Variants in CDKL5 observed in about 807,000 individuals in gnomAD.
CDKL5 encodes the protein cyclin dependent kinase like 5.
A neutral mutation model predicts 61.7 loss-of-function variants in CDKL5; 8 were observed. The observed-to-expected ratio is 0.13, with a 90% CI of 0.08 to 0.23. The LOEUF (loss-of-function observed/expected upper bound fraction) is 0.23, where lower values mean the gene tolerates loss of function less well. CDKL5 is among the 10% of genes least tolerant of loss of function. The pLI, the probability that CDKL5 is intolerant of heterozygous loss-of-function variation, is 1.00. For missense variants in CDKL5, 440 were observed against 734.5 expected (o/e 0.60, Z 4.63); for synonymous variants, 275 against 272.3 (o/e 1.01, Z -0.10).
chrX:18,499,065 C>T (rs1043450735), intron 1 of CDKL5, among the ~76,000 whole-genome samples: 7 of 112,065 alleles, frequency 6.2e-5, no homozygotes, highest in Non-Finnish European at 3.8e-5. Flanking sequence ...GCCACTGTGC[C>T]CGGCCCTTGT....
intron 1 of CDKL5, among the ~76,000 whole-genome samples, chrX:18,429,922 G>T (rs1931446603): frequency 8.9e-6 from 1 of 112,239 alleles, no homozygotes; most frequent in African/African-American, 3.2e-5. Context: ...ACAGGCATGA[G>T]CCACCGCCAG....
chrX:18,443,894 G>C (rs1399032746), intron 1 of CDKL5: 2 of 112,010 alleles, frequency 1.8e-5, no homozygotes, highest in African/African-American at 6.5e-5. Flanking sequence ...GTGAACCACT[G>C]CACCTGGCCT....
chrX:18,648,247 T>C (rs1927872188), intron 20 of CDKL5, among the ~76,000 whole-genome samples: 1 of 99,966 alleles, frequency 1.0e-5, no homozygotes, highest in African/African-American at 4.3e-5. Flanking sequence ...CTTCTTCTCC[T>C]TTTTTTTTTC....
chrX:18,484,475 G>A (rs757313502), intron 1 of CDKL5, among the ~76,000 whole-genome samples: 5 of 109,342 alleles, frequency 4.6e-5, no homozygotes, highest in Non-Finnish European at 9.5e-5. Context: ...GTACCACCAT[G>A]CCCAGCGAAT....
chrX:18,459,165 A>G (rs886554413), intron 1 of CDKL5, among the ~76,000 whole-genome samples: 1 of 112,515 alleles, frequency 8.9e-6, no homozygotes, highest in Non-Finnish European at 1.9e-5. Flanking sequence ...ATCCTGGTGT[A>G]CTTTTTTAAG....
intron 1 of CDKL5, among the ~76,000 whole-genome samples, chrX:18,501,266 C>T (rs1399908978): frequency 2.7e-5 from 3 of 111,596 alleles, no homozygotes; most frequent in Non-Finnish European, 5.6e-5. Context: ...TTCTGCCTCC[C>T]GGGTTCAAGT....
chrX:18,640,675 C>T (rs957283786), downstream of CDKL5: 21 of 112,347 alleles, frequency 1.9e-4, no homozygotes, highest in Non-Finnish European at 3.4e-4. Context: ...AGTCTAGTCA[C>T]TTGCCTTGGC....
chrX:18,429,714 C>T (rs1455403705), intron 1 of CDKL5, among the ~76,000 whole-genome samples: 1 of 112,097 alleles, frequency 8.9e-6, no homozygotes, highest in Admixed American at 9.5e-5. Context: ...CAGCTTGCTG[C>T]ACCCTTAACT....
chrX:18,431,062 C>T (rs1054868030), intron 1 of CDKL5, among the ~76,000 whole-genome samples: 1 of 109,210 alleles, frequency 9.2e-6, no homozygotes, highest in African/African-American at 3.3e-5. Context: ...CGGGGTTTCA[C>T]CATGTTGGCC....
At chrX:18,615,249 G>T (rs747434813) in intron 15 of CDKL5, among the ~76,000 whole-genome samples, 1 of 111,314 alleles carries the variant, frequency 9.0e-6, no homozygotes, top group Non-Finnish European at 1.9e-5. Flanking sequence ...TTCCTTCATC[G>T]CATCTCACTT....
At chrX:18,481,670 A>AT (rs1921585684) in intron 1 of CDKL5, among the ~76,000 whole-genome samples, 1 of 108,185 alleles carries the variant, frequency 9.2e-6, no homozygotes, top group Non-Finnish European at 1.9e-5. Flanking sequence ...CTCCTGGTTT[A>AT]TTTTTATCAC....
intron 1 of CDKL5, among the ~76,000 whole-genome samples, chrX:18,430,071 A>G (rs1931449975): frequency 8.9e-6 from 1 of 112,181 alleles, no homozygotes; most frequent in South Asian, 3.6e-4. Context: ...CTGAACTCAG[A>G]TCCATCAGGA....
At chrX:18,467,477 A>G (rs905261001) in intron 1 of CDKL5, among the ~76,000 whole-genome samples, 2 of 111,734 alleles carry the variant, frequency 1.8e-5, no homozygotes, top group Non-Finnish European at 3.8e-5. Flanking sequence ...CATCTTTTTC[A>G]CTAGCTCTGG....
chrX:18,647,348 GA>G (rs759171723), intron 20 of CDKL5: 1 of 1,206,297 alleles, frequency 8.3e-7, no homozygotes, highest in Non-Finnish European at 1.1e-6. Context: ...AAAGGAAAAA[GA>G]ATTCACATTC....
At chrX:18,505,912 T>A (rs1281182260) in intron 1 of CDKL5, among the ~76,000 whole-genome samples, 1 of 113,140 alleles carries the variant, frequency 8.8e-6, no homozygotes, top group Non-Finnish European at 1.9e-5. Context: ...TTGCTTGAAA[T>A]AATTATTACC....
chrX:18,642,156 C>T, downstream of CDKL5: 1 of 1,210,388 alleles, frequency 8.3e-7, no homozygotes, highest in Non-Finnish European at 1.1e-6. Flanking sequence ...CCATAGAAGA[C>T]CTAGAGAGAT....
intron 3 of CDKL5, among the ~76,000 whole-genome samples, chrX:18,557,685 A>G (rs1366822199): frequency 8.9e-6 from 1 of 112,491 alleles, no homozygotes; most frequent in East Asian, 2.8e-4. Flanking sequence ...TAAGTTATAT[A>G]ACTGCATTTT....
At chrX:18,648,954 AGGAG>A (rs1460211084) in intron 20 of CDKL5, among the ~76,000 whole-genome samples, 1 of 104,740 alleles carries the variant, frequency 9.5e-6, no homozygotes, top group African/African-American at 3.5e-5. Context: ...AGGCTGAGGG[AGGAG>A]GATTGCTTGA....
chrX:18,571,998 TAAGTG>T (rs1925149720), intron 4 of CDKL5, among the ~76,000 whole-genome samples: 1 of 111,934 alleles, frequency 8.9e-6, no homozygotes, highest in Admixed American at 9.5e-5. Flanking sequence ...TAACCATTGT[TAAGTG>T]GAGTCAATAC....
Sources: gnomAD v4.1 joint callset for allele counts (sites outside exome capture counted in the v4.1 genomes callset) on GRCh38, gnomAD v4.1.1 for gene constraint, MANE v1.5 for transcripts, NCBI Gene and HGNC (gene_info 2026-07-23, HGNC 2026-07-21) for gene names.